GDA: variants seen among roughly 807,000 people sequenced by gnomAD.
GDA encodes cytoplasmic PSD-95 interactor.
Under a neutral mutation model 59.6 loss-of-function variants are expected in GDA, and 18 were observed. The ratio of observed to expected loss-of-function variants is 0.30; its 90% CI spans 0.21 to 0.45. The LOEUF (loss-of-function observed/expected upper bound fraction) is 0.45, where lower values mean the gene tolerates loss of function less well. Among genes scored for constraint, GDA ranks in the 20% least tolerant of loss-of-function variants. The pLI is 1.00. For missense variants in GDA, 427 were observed against 552.3 expected (o/e 0.77, Z 2.27); for synonymous variants, 201 against 201.1 (o/e 1.00, Z 0.00).
intron 5 of GDA, among the ~76,000 whole-genome samples, chr9:72,218,232 G>C (rs796566414): frequency 6.6e-6 from 1 of 152,104 alleles, no homozygotes; most frequent in Admixed American, 6.5e-5. Context: ...ATTTTATTCT[G>C]TTCAACATCT....
At chr9:72,205,530 G>A (rs912793411) in intron 3 of GDA, among the ~76,000 whole-genome samples, 2 of 152,202 alleles carry the variant, frequency 1.3e-5, no homozygotes, top group Non-Finnish European at 2.9e-5. Context: ...AAGGTTCAGA[G>A]GACTCTGCCC....
At chr9:72,213,835 C>A in intron 4 of GDA, 51 bp from the exon 5 acceptor site, 47 of 936,596 alleles carry the variant, frequency 5.0e-5, no homozygotes, top group Non-Finnish European at 7.5e-5. Context: ...AGAAAAAGTA[C>A]TGTTTCAGAA....
rs115405742 is a variant in GDA at position 72,244,252 on chromosome 9, G to A, written c.1136-896G>A. 3.8e-3 allele frequency among the ~76,000 whole-genome samples: 581 copies of A among 151,886 alleles called. 2 individuals are homozygous for A. Among genetic ancestry groups the A allele is most frequent in the African/African-American group, 0.013 (555 of 41,464 alleles). On this transcript the variant is annotated intron_variant, in intron 11 of 13. Coordinates refer to ENST00000358399, the MANE Select transcript of GDA (RefSeq NM_004293.5). ...CAGTTAACCTTCCATGCTTCCATTT[G>A]TGACCCCAGTTTACACCTTCCTCAG...
At chr9:72,125,665 C>T (rs1241509091) in intron 1 of GDA, among the ~76,000 whole-genome samples, 1 of 151,794 alleles carries the variant, frequency 6.6e-6, no homozygotes, top group Non-Finnish European at 1.5e-5. Flanking sequence ...ATTTACCAGC[C>T]CATTCAACAA....
rs1427352405 is a variant in GDA at position 72,137,245 on chromosome 9, T to TC, written c.-100+22412_-100+22413insC. 3.2e-5 allele frequency among the ~76,000 whole-genome samples: 4 copies of TC among 125,626 alleles called. 1 individual carries two copies. The South Asian group carries it at 8.6e-4, about 27-fold the overall frequency. The allele number at this position is 125,626 out of a possible 152,430, so 82.4% of individuals were successfully genotyped here. A position where few individuals can be genotyped will look rare whatever the true frequency, so the allele number is the denominator to read the frequency against. ...ATTAGGATCCTTTTCTTTTTTTCTT[T>TC]TTTTTTTTTTTTTTTTTTGAGACGG... is the stretch of plus-strand genomic sequence containing the variant. On this transcript the variant is annotated intron_variant, in intron 1 of 13. Coordinates refer to the GDA transcript ENST00000545168.
downstream of GDA, among the ~76,000 whole-genome samples, chr9:72,256,265 AGTT>A (rs554758056): frequency 1.3e-3 from 196 of 152,350 alleles, 1 homozygote; most frequent in African/African-American, 4.5e-3. Context: ...CTAATCATGA[AGTT>A]GTAAATTTTA....
intron 1 of GDA, among the ~76,000 whole-genome samples, chr9:72,181,340 A>AT (rs1327270160): frequency 6.6e-6 from 1 of 151,042 alleles, no homozygotes; most frequent in South Asian, 2.1e-4. Context: ...TACTTTCACA[A>AT]TTTTTTTTGT....
intron 3 of GDA, among the ~76,000 whole-genome samples, chr9:72,204,006 G>A (rs773474741): frequency 5.9e-5 from 9 of 151,886 alleles, no homozygotes; most frequent in Admixed American, 2.0e-4. Flanking sequence ...TAGTAGAGAC[G>A]GGGTTTCACC....
At chr9:72,139,433 C>T (rs750834208) in intron 1 of GDA, among the ~76,000 whole-genome samples, 29 of 152,200 alleles carry the variant, frequency 1.9e-4, no homozygotes, top group Non-Finnish European at 4.1e-4. Flanking sequence ...AAATGCCTTT[C>T]TTCTAAGTCA....
chr9:72,153,452 C>A (rs1827480457), intron 1 of GDA, among the ~76,000 whole-genome samples: 1 of 151,370 alleles, frequency 6.6e-6, no homozygotes, highest in African/African-American at 2.4e-5. Context: ...ACTAGAAATA[C>A]CATTTGACCC....
At chr9:72,238,840 A>C (rs1839301430) in intron 10 of GDA, among the ~76,000 whole-genome samples, 1 of 152,170 alleles carries the variant, frequency 6.6e-6, no homozygotes, top group African/African-American at 2.4e-5. Context: ...ATTCTTCAGC[A>C]CTTCAGTTAT....
chr9:72,199,495 C>A (rs1461602085), intron 2 of GDA, among the ~76,000 whole-genome samples: 1 of 152,200 alleles, frequency 6.6e-6, no homozygotes, highest in Non-Finnish European at 1.5e-5. Context: ...ATGCTCATTT[C>A]TCCTACATGA....
intron 3 of GDA, among the ~76,000 whole-genome samples, chr9:72,206,634 A>G (rs1834745099): frequency 6.6e-6 from 1 of 152,074 alleles, no homozygotes; most frequent in Non-Finnish European, 1.5e-5. Flanking sequence ...TTAGCCAGGC[A>G]TGGTGGCGGG....
intron 3 of GDA, among the ~76,000 whole-genome samples, chr9:72,207,938 T>G (rs56324949): frequency 0.098 from 14,804 of 151,724 alleles, 783 homozygotes; most frequent in Middle Eastern, 0.13. Flanking sequence ...AGCAAGGGCT[T>G]GTCTTAAAAA....
chr9:72,165,312 C>T (rs1240756585), intron 1 of GDA, among the ~76,000 whole-genome samples: 2 of 152,184 alleles, frequency 1.3e-5, no homozygotes, highest in South Asian at 4.1e-4. Context: ...TCTTAATAAT[C>T]ATTTTACTAT....
At chr9:72,199,757 C>T (rs1833701885) in intron 2 of GDA, among the ~76,000 whole-genome samples, 1 of 152,126 alleles carries the variant, frequency 6.6e-6, no homozygotes, top group Admixed American at 6.5e-5. Flanking sequence ...CTAGTCACTG[C>T]CCTGCTCCTT....
At chr9:72,130,294 G>C (rs1362960535) in intron 1 of GDA, among the ~76,000 whole-genome samples, 1 of 152,148 alleles carries the variant, frequency 6.6e-6, no homozygotes, top group African/African-American at 2.4e-5. Context: ...TCATTTAGTG[G>C]CTTATTTATG....
chr9:72,202,525 G>T (rs1269894180), intron 2 of GDA, 46 bp from the exon 3 acceptor site: 3 of 1,243,856 alleles, frequency 2.4e-6, no homozygotes, highest in South Asian at 2.7e-5. Flanking sequence ...TATGGGAAAT[G>T]ACTGAAGATA....
intron 2 of GDA, among the ~76,000 whole-genome samples, chr9:72,199,888 T>A (rs1002241592): frequency 6.6e-6 from 1 of 152,146 alleles, no homozygotes; most frequent in Admixed American, 6.5e-5. Context: ...ACTCCTGAAG[T>A]CGAAGGTGCT....
Sources: gnomAD v4.1 joint callset for allele counts (sites outside exome capture counted in the v4.1 genomes callset) on GRCh38, gnomAD v4.1.1 for gene constraint, MANE v1.5 for transcripts, NCBI Gene and HGNC (gene_info 2026-07-23, HGNC 2026-07-21) for gene names.